The following DLGAP1 variants were observed in gnomAD, a reference collection of about 807,000 sequenced individuals.
DLGAP1 encodes DLG associated protein 1.
A neutral mutation model predicts 90.8 loss-of-function variants in DLGAP1; 11 were observed. That is an observed-to-expected ratio of 0.12 (90% CI 0.08 to 0.20). The LOEUF is 0.20. DLGAP1 is among the 10% of genes least tolerant of loss of function. The probability of loss-of-function intolerance (pLI) is 1.00; values close to 1 mark genes in which losing one functional copy is unlikely to be tolerated. For missense variants in DLGAP1, 1,050 were observed against 1,333.8 expected (o/e 0.79, Z 3.31); for synonymous variants, 558 against 540.7 (o/e 1.03, Z -0.44).
Position 4,101,812 on chromosome 18 carries a change from A to G in DLGAP1, c.-159+49368T>C, listed in dbSNP as rs535459967. 2.0e-5 allele frequency among the ~76,000 whole-genome samples: 3 copies of G among 151,962 alleles called. No homozygotes were observed. In the South Asian group the frequency reaches 6.2e-4, roughly 32 times the overall value. ...ACACACATATATAATATACATGAAT[A>G]TAGATCTGTAACTGCCTATATATGT... On this transcript the variant is annotated intron_variant, in intron 2 of 12. Transcript: ENST00000315677.
intron 2 of DLGAP1, among the ~76,000 whole-genome samples, chr18:4,068,788 T>C (rs2075405590): frequency 6.6e-6 from 1 of 152,126 alleles, no homozygotes; most frequent in Non-Finnish European, 1.5e-5. Context: ...ATGTCAAATG[T>C]GTAAAAGCCA....
intron 7 of DLGAP1, among the ~76,000 whole-genome samples, chr18:3,702,272 G>A (rs1238610930): frequency 2.0e-5 from 3 of 152,226 alleles, no homozygotes; most frequent in East Asian, 1.9e-4. Context: ...CAGGTGATCC[G>A]CCCACCTCGG....
chr18:3,681,267 G>A (rs984214895), intron 7 of DLGAP1, among the ~76,000 whole-genome samples: 4 of 152,126 alleles, frequency 2.6e-5, no homozygotes, highest in African/African-American at 9.7e-5. Flanking sequence ...CTAAAAAAGG[G>A]CATTTCTCAT....
chr18:3,730,003 G>T (rs1354470194), intron 6 of DLGAP1, among the ~76,000 whole-genome samples: 3 of 152,130 alleles, frequency 2.0e-5, no homozygotes, highest in Non-Finnish European at 4.4e-5. Context: ...CTCACGTTTT[G>T]CACAAAAATA....
At chr18:4,363,829 A>C (rs1019049586) in intron 1 of DLGAP1, among the ~76,000 whole-genome samples, 5 of 151,364 alleles carry the variant, frequency 3.3e-5, no homozygotes, top group African/African-American at 4.8e-5. Context: ...TAGTTCAACC[A>C]TTGTGGAAGT....
chr18:3,501,183 G>A (rs1466610869), intron 12 of DLGAP1, among the ~76,000 whole-genome samples: 1 of 150,724 alleles, frequency 6.6e-6, no homozygotes, highest in Non-Finnish European at 1.5e-5. Flanking sequence ...CTCCCAAAGT[G>A]CTGGGATTAC....
At chr18:4,025,689 CT>C (rs2074688302) in intron 2 of DLGAP1, among the ~76,000 whole-genome samples, 1 of 152,090 alleles carries the variant, frequency 6.6e-6, no homozygotes. Context: ...TCTAAGGTTA[CT>C]GTTTTCCATC....
chr18:3,820,849 G>C (rs1029209113), intron 4 of DLGAP1, among the ~76,000 whole-genome samples: 2 of 151,442 alleles, frequency 1.3e-5, no homozygotes, highest in African/African-American at 4.9e-5. Flanking sequence ...AGGAGAGTTA[G>C]GCATCTGACA....
intron 2 of DLGAP1, among the ~76,000 whole-genome samples, chr18:4,034,037 CTT>C (rs1212913784): frequency 3.6e-5 from 4 of 111,210 alleles, no homozygotes; most frequent in East Asian, 2.7e-4. Context: ...GCGCCCGGCC[CTT>C]TTTTTTTTTT....
intron 2 of DLGAP1, among the ~76,000 whole-genome samples, chr18:4,110,833 C>T (rs62088891): frequency 1.8e-4 from 28 of 152,182 alleles, no homozygotes; most frequent in Non-Finnish European, 3.5e-4. Context: ...TACTTTTATT[C>T]CTCTACTATT....
At chr18:4,393,805 C>T (rs533365807) in intron 1 of DLGAP1, among the ~76,000 whole-genome samples, 7 of 152,156 alleles carry the variant, frequency 4.6e-5, no homozygotes, top group Non-Finnish European at 1.0e-4. Flanking sequence ...GAAACTGTTC[C>T]ACCTCAGAAC....
intron 1 of DLGAP1, among the ~76,000 whole-genome samples, chr18:4,400,162 C>A (rs1204735548): frequency 1.3e-5 from 2 of 152,102 alleles, no homozygotes; most frequent in Non-Finnish European, 2.9e-5. Context: ...CTGCAGCACG[C>A]CCCTGAGCAT....
chr18:3,842,758 C>T (rs755156939), intron 4 of DLGAP1, among the ~76,000 whole-genome samples: 1 of 152,104 alleles, frequency 6.6e-6, no homozygotes, highest in Non-Finnish European at 1.5e-5. Context: ...GGGTAGCAGG[C>T]TCTTGGGAAG....
At chr18:3,677,962 T>G (rs2060371275) in intron 7 of DLGAP1, among the ~76,000 whole-genome samples, 1 of 4,390 alleles carries the variant, frequency 2.3e-4, no homozygotes, top group Non-Finnish European at 3.4e-3. Context: ...CCCGGTGGGT[T>G]TTTTTTTTTT....
At chr18:3,823,436 C>T (rs1410917790) in intron 4 of DLGAP1, among the ~76,000 whole-genome samples, 1 of 152,080 alleles carries the variant, frequency 6.6e-6, no homozygotes, top group Non-Finnish European at 1.5e-5. Flanking sequence ...TATCTTAATG[C>T]CATTGCAATG....
At chr18:3,871,186 C>T (rs931282596) in intron 4 of DLGAP1, among the ~76,000 whole-genome samples, 10 of 152,162 alleles carry the variant, frequency 6.6e-5, no homozygotes, top group African/African-American at 2.4e-4. Context: ...CTGATTTCAT[C>T]GAGGTATTTC....
intron 4 of DLGAP1, among the ~76,000 whole-genome samples, chr18:3,850,233 A>T (rs1442398584): frequency 6.6e-6 from 1 of 152,086 alleles, no homozygotes; most frequent in Non-Finnish European, 1.5e-5. Flanking sequence ...TCTACTAAAA[A>T]TACAAAAATT....
At chr18:4,269,556 G>T (rs371648337) in intron 1 of DLGAP1, among the ~76,000 whole-genome samples, 3 of 151,504 alleles carry the variant, frequency 2.0e-5, no homozygotes, top group South Asian at 2.1e-4. Context: ...GGGTTTCACC[G>T]TGTTAGCCAG....
chr18:4,392,009 G>C (rs1373271036), intron 1 of DLGAP1, among the ~76,000 whole-genome samples: 1 of 152,204 alleles, frequency 6.6e-6, no homozygotes, highest in Non-Finnish European at 1.5e-5. Flanking sequence ...GTTTTGGTTA[G>C]AAACCCTTAA....
Sources: allele counts gnomAD v4.1 joint callset (sites outside exome capture counted in the v4.1 genomes callset), GRCh38; gene constraint gnomAD v4.1.1; transcripts MANE v1.5; gene names NCBI Gene and HGNC (gene_info 2026-07-23, HGNC 2026-07-21).